The following MAGI1 variants were observed in gnomAD, a reference collection of about 807,000 sequenced individuals.
MAGI1 encodes the protein membrane associated guanylate kinase, WW and PDZ domain containing 1, also known as membrane-associated guanylate kinase, WW and PDZ domain-containing protein 1.
Under a neutral mutation model 139.9 loss-of-function variants are expected in MAGI1, and 58 were observed. That is an observed-to-expected ratio of 0.41 (90% confidence interval 0.34 to 0.52). The LOEUF is 0.52. Among genes scored for constraint, MAGI1 ranks in the 20% least tolerant of loss-of-function variants. The pLI is 0.12. For synonymous variants in MAGI1, 812 were observed against 737.9 expected, an observed-to-expected ratio of 1.10 and a Z score of -1.63; for missense variants, 1,874 against 1,901.6, an observed-to-expected ratio of 0.99 and a Z score of 0.27.
At chr3:65,516,378 C>T (rs916373984) in intron 2 of MAGI1, among the ~76,000 whole-genome samples, 4 of 152,066 alleles carry the variant, frequency 2.6e-5, no homozygotes, top group Non-Finnish European at 5.9e-5. Context: ...TAGGGTTTCA[C>T]CATGTTGGCC....
chr3:65,670,089 G>A (rs747740993), intron 1 of MAGI1, among the ~76,000 whole-genome samples: 3 of 151,998 alleles, frequency 2.0e-5, no homozygotes, highest in East Asian at 1.9e-4. Flanking sequence ...TTCTTGTTTC[G>A]ATTTTAGCAG....
At chr3:65,813,948 C>T (rs1408707046) in intron 1 of MAGI1, among the ~76,000 whole-genome samples, 1 of 152,158 alleles carries the variant, frequency 6.6e-6, no homozygotes, top group African/African-American at 2.4e-5. Flanking sequence ...GGTCTTGCTC[C>T]CATTCATCCC....
At chr3:65,570,756 T>C (rs927961265) in intron 2 of MAGI1, among the ~76,000 whole-genome samples, 5 of 152,318 alleles carry the variant, frequency 3.3e-5, no homozygotes, top group South Asian at 4.1e-4. Context: ...TTTTGACTTA[T>C]GTGGAAAAAA....
rs975439124 is a variant in MAGI1 at position 65,913,511 on chromosome 3, C to T, written c.313+124485G>A. The stretch of plus-strand genomic sequence containing the variant: ...GAAAGCTAATAGGTATAGGTTGTTT[C>T]GGAAGATGGGGAGGTAGTGTTCAGA... On this transcript the variant is annotated intron_variant, in intron 1 of 22. Coordinates refer to ENST00000402939, the MANE Select transcript of MAGI1 (RefSeq NM_001033057.2). Among the ~76,000 whole-genome samples, 5 of 152,002 alleles carry T rather than the reference C, an allele frequency of 3.3e-5. 1 individual carries two copies. The highest frequency in any genetic ancestry group is 7.2e-5 in the African/African-American group (3 of 41,384).
intron 1 of MAGI1, among the ~76,000 whole-genome samples, chr3:65,698,749 G>A (rs1254654590): frequency 4.7e-5 from 7 of 148,468 alleles, no homozygotes; most frequent in East Asian, 4.0e-4. Flanking sequence ...AGACTTAAAC[G>A]TTAGACCTAA....
intron 1 of MAGI1, among the ~76,000 whole-genome samples, chr3:65,627,887 A>G (rs138713610): frequency 0.015 from 2,356 of 152,116 alleles, 67 homozygotes; most frequent in African/African-American, 0.053. Flanking sequence ...TCTCACCCAC[A>G]TGAGTTTACA....
chr3:65,372,495 A>G (rs1942099024), intron 18 of MAGI1, among the ~76,000 whole-genome samples: 1 of 152,230 alleles, frequency 6.6e-6, no homozygotes, highest in African/African-American at 2.4e-5. Flanking sequence ...CAGAATAGCC[A>G]GATGAGCACT....
At chr3:65,707,823 T>C (rs2030638201) in intron 1 of MAGI1, among the ~76,000 whole-genome samples, 1 of 152,130 alleles carries the variant, frequency 6.6e-6, no homozygotes, top group Non-Finnish European at 1.5e-5. Context: ...CAGTAAAACC[T>C]TTAAACTATA....
At chr3:65,446,650 A>G (rs1049973873) in intron 7 of MAGI1, among the ~76,000 whole-genome samples, 2 of 152,200 alleles carry the variant, frequency 1.3e-5, no homozygotes, top group Non-Finnish European at 2.9e-5. Context: ...GGCTGAACAA[A>G]TGATTAAGAC....
intron 1 of MAGI1, among the ~76,000 whole-genome samples, chr3:65,982,841 G>A (rs1336631135): frequency 6.6e-6 from 1 of 152,176 alleles, no homozygotes; most frequent in South Asian, 2.1e-4. Flanking sequence ...GAGAGGTCCT[G>A]AGAGCACAAG....
chr3:65,978,399 T>C (rs2065371116), intron 1 of MAGI1, among the ~76,000 whole-genome samples: 1 of 152,130 alleles, frequency 6.6e-6, no homozygotes, highest in African/African-American at 2.4e-5. Flanking sequence ...CTGCTCTGTC[T>C]TGCTCACTGC....
In MAGI1 at chr3:65,437,192, T is replaced by C. The variant is rs1575740091; in HGVS notation, c.1326A>G (p.Pro442=). 7 of 1,612,148 alleles carry C rather than the reference T, an allele frequency of 4.3e-6. No individual in the cohort carries two copies. The East Asian group carries it at 1.1e-4, about 26-fold the overall frequency. ...LVPPVIPNHP[P]SNPEPAREVP... ...CTTCTCTGGCTGGCTCTGGATTGCTTGGAGGGTGGTTTGGAATAACAGGAG... is the reference window on the plus strand; with the variant it reads ...CTTCTCTGGCTGGCTCTGGATTGCTCGGAGGGTGGTTTGGAATAACAGGAG... Residue 442 remains proline, a synonymous_variant, in exon 10 of 23, where the codon CCA becomes CCG. Coordinates refer to ENST00000402939, the MANE Select transcript of MAGI1 (RefSeq NM_001033057.2).
chr3:65,594,746 T>C (rs1024137663), intron 2 of MAGI1, among the ~76,000 whole-genome samples: 3 of 152,224 alleles, frequency 2.0e-5, no homozygotes, highest in African/African-American at 7.2e-5. Context: ...AATTTTGTTA[T>C]GCAAATACAG....
At chr3:66,037,501 A>G (rs1377996342) in intron 1 of MAGI1, among the ~76,000 whole-genome samples, 1 of 152,006 alleles carries the variant, frequency 6.6e-6, no homozygotes, top group Non-Finnish European at 1.5e-5. Context: ...GTGGTGTCCT[A>G]GCTCACCTGG....
intron 2 of MAGI1, among the ~76,000 whole-genome samples, chr3:65,585,784 A>C (rs1454812111): frequency 6.6e-6 from 1 of 152,166 alleles, no homozygotes; most frequent in Non-Finnish European, 1.5e-5. Context: ...TCCTTTAGCA[A>C]CTTTATTCTT....
intron 5 of MAGI1, among the ~76,000 whole-genome samples, chr3:65,464,484 G>A (rs1341475165): frequency 6.6e-6 from 1 of 151,810 alleles, no homozygotes; most frequent in Admixed American, 6.6e-5. Flanking sequence ...AATTTCCCTT[G>A]AGACTTCCTC....
At chr3:65,416,570 C>A (rs575718700) in intron 12 of MAGI1, among the ~76,000 whole-genome samples, 1 of 152,058 alleles carries the variant, frequency 6.6e-6, no homozygotes, top group Non-Finnish European at 1.5e-5. Context: ...GAGAATAGCA[C>A]GGTGCTAAAG....
chr3:65,922,106 A>C (rs1203621763), intron 1 of MAGI1, among the ~76,000 whole-genome samples: 1 of 152,204 alleles, frequency 6.6e-6, no homozygotes, highest in Non-Finnish European at 1.5e-5. Flanking sequence ...AAAATCGCCT[A>C]AGATACAGGT....
At chr3:65,969,598 C>T (rs2064926836) in intron 1 of MAGI1, among the ~76,000 whole-genome samples, 1 of 152,168 alleles carries the variant, frequency 6.6e-6, no homozygotes, top group African/African-American at 2.4e-5. Context: ...AGCACGCTTG[C>T]ACTCACAAGG....
Sources: allele counts gnomAD v4.1 joint callset (sites outside exome capture counted in the v4.1 genomes callset), GRCh38; gene constraint gnomAD v4.1.1; transcripts MANE v1.5; gene names NCBI Gene and HGNC (gene_info 2026-07-23, HGNC 2026-07-21).